Variants in GRM1 observed in about 807,000 individuals in gnomAD.
The protein encoded by GRM1 is metabotropic glutamate receptor 1.
GRM1 carries 33 observed loss-of-function variants against 90.9 expected under a neutral mutation model. That is an observed-to-expected ratio of 0.36 (90% CI 0.28 to 0.49). GRM1 has a LOEUF of 0.49. Ranked by LOEUF, GRM1 falls within the 20% of genes least tolerant of loss-of-function variation. The pLI is 0.99. For missense variants in GRM1, 1,190 were observed against 1,534.3 expected, an observed-to-expected ratio of 0.78 and a Z score of 3.75; for synonymous variants, 700 against 613.2, an observed-to-expected ratio of 1.14 and a Z score of -2.09.
At chr6:146,412,778 A>T (rs1249952676) in intron 7 of GRM1, among the ~76,000 whole-genome samples, 2 of 152,166 alleles carry the variant, frequency 1.3e-5, no homozygotes, top group Admixed American at 1.3e-4. Flanking sequence ...TTATTCCATG[A>T]TAGTCATACA....
At chr6:146,239,620 A>G (rs540792943) in intron 2 of GRM1, among the ~76,000 whole-genome samples, 12 of 152,274 alleles carry the variant, frequency 7.9e-5, no homozygotes, top group African/African-American at 2.9e-4. Context: ...AGAACCTGAA[A>G]GAAAGAAGGA....
At chr6:146,056,111 T>C (rs1002075070) in intron 1 of GRM1, among the ~76,000 whole-genome samples, 11 of 152,142 alleles carry the variant, frequency 7.2e-5, no homozygotes, top group African/African-American at 2.4e-4. Flanking sequence ...GGTGGCATAA[T>C]GGGAAAGTTG....
intron 7 of GRM1, among the ~76,000 whole-genome samples, 195 bp from the exon 8 acceptor site, chr6:146,433,677 A>G (rs570782880): frequency 6.6e-6 from 1 of 152,104 alleles, no homozygotes; most frequent in Non-Finnish European, 1.5e-5. Context: ...CTCCTCAACA[A>G]CTTTTCTCAG....
intron 1 of GRM1, among the ~76,000 whole-genome samples, chr6:146,155,290 A>G (rs1777482838): frequency 6.6e-6 from 1 of 152,158 alleles, no homozygotes; most frequent in African/African-American, 2.4e-5. Flanking sequence ...TACTTTCTCT[A>G]TGTTTAGATA....
intron 5 of GRM1, among the ~76,000 whole-genome samples, chr6:146,375,166 G>T (rs759241654): frequency 6.6e-6 from 1 of 151,786 alleles, no homozygotes; most frequent in African/African-American, 2.4e-5. Context: ...TAATTTCCAC[G>T]TAGTTTGTGT....
At chr6:146,073,602 T>C (rs1049292156) in intron 1 of GRM1, among the ~76,000 whole-genome samples, 1 of 152,202 alleles carries the variant, frequency 6.6e-6, no homozygotes, top group Non-Finnish European at 1.5e-5. Context: ...AAATTATAGA[T>C]TATAACCCAC....
intron 1 of GRM1, among the ~76,000 whole-genome samples, chr6:146,065,138 A>C (rs930938597): frequency 2.6e-5 from 4 of 152,178 alleles, no homozygotes; most frequent in Non-Finnish European, 4.4e-5. Context: ...AACTACTTTA[A>C]ATGCAGGAGA....
At chr6:146,127,385 AG>A (rs1776236507) in intron 1 of GRM1, among the ~76,000 whole-genome samples, 1 of 152,166 alleles carries the variant, frequency 6.6e-6, no homozygotes, top group African/African-American at 2.4e-5. Context: ...TAGTGAAATA[AG>A]GGGGAAGATC....
At chr6:146,035,137 T>C (rs985811703) in intron 1 of GRM1, among the ~76,000 whole-genome samples, 6 of 151,866 alleles carry the variant, frequency 4.0e-5, no homozygotes, top group African/African-American at 1.4e-4. Context: ...GAAAGTACTG[T>C]AATGGTGTGA....
chr6:146,038,692 A>T (rs946197852), intron 1 of GRM1, among the ~76,000 whole-genome samples: 1 of 151,834 alleles, frequency 6.6e-6, no homozygotes, highest in Admixed American at 6.6e-5. Context: ...GTGGCCCTCA[A>T]TGCAAATCTT....
chr6:146,230,479 A>G (rs1008520450), intron 2 of GRM1, among the ~76,000 whole-genome samples: 1 of 152,162 alleles, frequency 6.6e-6, no homozygotes, highest in Admixed American at 6.5e-5. Flanking sequence ...CCACAAACCT[A>G]TTAGAATGGC....
At chr6:146,340,674 C>A (rs1164674063) in intron 3 of GRM1, 1 of 152,692 alleles carries the variant, frequency 6.5e-6, no homozygotes, top group Admixed American at 6.6e-5. Context: ...GCCTCCCAAG[C>A]AGCTGGGACT....
chr6:146,196,010 GTT>G (rs1779101743), intron 2 of GRM1, among the ~76,000 whole-genome samples: 1 of 152,170 alleles, frequency 6.6e-6, no homozygotes, highest in South Asian at 2.1e-4. Flanking sequence ...ATTTTGTTCA[GTT>G]TAGTATTTTC....
intron 3 of GRM1, among the ~76,000 whole-genome samples, chr6:146,351,522 C>T (rs533185115): frequency 6.6e-6 from 1 of 152,256 alleles, no homozygotes; most frequent in South Asian, 2.1e-4. Context: ...TCTTGCAAAC[C>T]TGCTTGGCAG....
chr6:146,129,118 T>G (rs926950739), intron 1 of GRM1, among the ~76,000 whole-genome samples: 6 of 152,176 alleles, frequency 3.9e-5, no homozygotes, highest in African/African-American at 1.4e-4. Context: ...GGGTGAAAAT[T>G]TTCTTTTTAA....
chr6:146,212,751 G>T (rs1268898741), intron 2 of GRM1, among the ~76,000 whole-genome samples: 1 of 152,132 alleles, frequency 6.6e-6, no homozygotes, highest in African/African-American at 2.4e-5. Flanking sequence ...GGACCCTTTA[G>T]CTGTATACCC....
chr6:146,302,956 T>C (rs902804014), intron 2 of GRM1, among the ~76,000 whole-genome samples: 29 of 152,002 alleles, frequency 1.9e-4, no homozygotes, highest in Non-Finnish European at 3.5e-4. Context: ...AAAAAGAGTC[T>C]CTACCCTAGT....
At chr6:146,091,799 T>C (rs1776724779) in intron 1 of GRM1, among the ~76,000 whole-genome samples, 1 of 152,088 alleles carries the variant, frequency 6.6e-6, no homozygotes, top group South Asian at 2.1e-4. Flanking sequence ...GCAATCTTAA[T>C]AGAATTCAGA....
chr6:146,068,114 A>AT lies in GRM1; in HGVS notation c.700+37912dup, dbSNP rs34212976. 9.2e-3 allele frequency among the ~76,000 whole-genome samples: 1,349 copies of AT among 146,006 alleles called. 20 individuals are homozygous for AT. The highest frequency in any genetic ancestry group is 0.073 in the East Asian group (359 of 4,950). ...TTAAATATCATTGAACCTTCAAATAATTTTTTTTTTTTTTTGAGACGGAGT... is the reference window on the plus strand; with the variant it reads ...TTAAATATCATTGAACCTTCAAATAATTTTTTTTTTTTTTTTGAGACGGAGT... On this transcript the variant is annotated intron_variant, in intron 1 of 7. Transcript: ENST00000282753.
Sources: allele counts gnomAD v4.1 joint callset (sites outside exome capture counted in the v4.1 genomes callset), GRCh38; gene constraint gnomAD v4.1.1; transcripts MANE v1.5; gene names NCBI Gene and HGNC (gene_info 2026-07-23, HGNC 2026-07-21).